Variants in STRN observed in about 807,000 individuals in gnomAD.
STRN encodes striatin, also known as protein phosphatase 2 regulatory subunit B'''alpha.
A neutral mutation model predicts 96.3 loss-of-function variants in STRN; 53 were observed. The ratio of observed to expected loss-of-function variants is 0.55; its 90% confidence interval spans 0.44 to 0.69. The LOEUF (loss-of-function observed/expected upper bound fraction) is 0.69, where lower values mean the gene tolerates loss of function less well. STRN is among the 30% of genes least tolerant of loss of function. STRN has a pLI of 0.00. For missense variants in STRN, 987 were observed against 963.9 expected, an observed-to-expected ratio of 1.02 and a Z score of -0.32; for synonymous variants, 428 against 355.9, an observed-to-expected ratio of 1.20 and a Z score of -2.28.
chr2:36,874,314 C>G (rs980538340), intron 10 of STRN, among the ~76,000 whole-genome samples: 5 of 149,154 alleles, frequency 3.4e-5, no homozygotes, highest in African/African-American at 1.2e-4. Flanking sequence ...ACAGGCTTAA[C>G]TACTGACTAC....
intron 1 of STRN, among the ~76,000 whole-genome samples, chr2:36,952,105 G>A (rs373895828): frequency 6.6e-6 from 1 of 152,144 alleles, no homozygotes; most frequent in Non-Finnish European, 1.5e-5. Flanking sequence ...TACAAAACTC[G>A]AATTAGCATT....
At chr2:36,962,186 G>C (rs1665045122) in intron 1 of STRN, among the ~76,000 whole-genome samples, 1 of 152,060 alleles carries the variant, frequency 6.6e-6, no homozygotes, top group Non-Finnish European at 1.5e-5. Flanking sequence ...AAAATATTTG[G>C]GGAGTGAAAA....
chr2:36,890,013 C>G lies in STRN; in HGVS notation c.932-3187G>C, dbSNP rs554144002. Among the ~76,000 whole-genome samples, 92 of 152,312 alleles carry G rather than the reference C, an allele frequency of 6.0e-4. 1 individual carries two copies. Among genetic ancestry groups the G allele is most frequent in the African/African-American group, 2.1e-3 (87 of 41,572 alleles). On this transcript the variant is annotated intron_variant, in intron 7 of 17. Coordinates refer to ENST00000263918, the MANE Select transcript of STRN (RefSeq NM_003162.4). ...ACACAAGGAACAGTGCAGCTGTCCT[C>G]GGAGAAAAACCAATCTCCGGTACCC...
chr2:36,953,051 A>G (rs954544512), intron 1 of STRN, among the ~76,000 whole-genome samples: 4 of 152,226 alleles, frequency 2.6e-5, no homozygotes, highest in Non-Finnish European at 5.9e-5. Flanking sequence ...AACTAGATAT[A>G]CCAGTATTGG....
chr2:36,965,018 A>G (rs1558673978), intron 1 of STRN, among the ~76,000 whole-genome samples: 1 of 152,178 alleles, frequency 6.6e-6, no homozygotes, highest in Non-Finnish European at 1.5e-5. Flanking sequence ...AACCTTGTCT[A>G]CTACAGCCTT....
intron 5 of STRN, among the ~76,000 whole-genome samples, chr2:36,901,101 C>T (rs1669670349): frequency 6.6e-6 from 1 of 151,832 alleles, no homozygotes; most frequent in South Asian, 2.1e-4. Context: ...TTTGGTATTA[C>T]CCTCCCCTAA....
At chr2:36,927,028 T>C (rs548930525) in intron 1 of STRN, among the ~76,000 whole-genome samples, 112 of 152,284 alleles carry the variant, frequency 7.4e-4, no homozygotes, top group African/African-American at 2.3e-3. Context: ...AGCTAATCAA[T>C]GCAATCAAAC....
At chr2:36,929,172 G>C (rs1558657377) in intron 1 of STRN, among the ~76,000 whole-genome samples, 2 of 151,842 alleles carry the variant, frequency 1.3e-5, no homozygotes, top group African/African-American at 4.8e-5. Flanking sequence ...AAACAAAAAA[G>C]ATAAAAATAA....
At chr2:36,886,863 AT>A in intron 7 of STRN, 37 bp from the exon 8 acceptor site, 1 of 1,547,400 alleles carries the variant, frequency 6.5e-7, no homozygotes, top group African/African-American at 1.4e-5. Flanking sequence ...GCCTTTTTCA[AT>A]AAAATATTGA....
At chr2:36,950,236 G>A (rs1234995133) in intron 1 of STRN, among the ~76,000 whole-genome samples, 4 of 102,926 alleles carry the variant, frequency 3.9e-5, no homozygotes, top group African/African-American at 1.4e-4. Context: ...TTTTTTTTGA[G>A]ACTGAGTCTC....
rs1312786496 is a variant in STRN at position 36,898,450 on chromosome 2, C to T, written c.795+1073G>A. Among the ~76,000 whole-genome samples the T allele has an allele frequency of 2.6e-5, 4 of 152,162 alleles. No individual in the cohort carries two copies. In the East Asian group the frequency reaches 7.7e-4, roughly 29 times the overall value. The stretch of plus-strand genomic sequence containing the variant: ...TACCAGTAGAGTACTATTGAATAGT[C>T]GTGATGGAAAACAATAATCTGGTAG... On this transcript the variant is annotated intron_variant, in intron 6 of 17. Coordinates refer to ENST00000263918, the MANE Select transcript of STRN (RefSeq NM_003162.4).
At chr2:36,862,863 G>T (rs1187407344) in intron 12 of STRN, among the ~76,000 whole-genome samples, 1 of 151,910 alleles carries the variant, frequency 6.6e-6, no homozygotes, top group Non-Finnish European at 1.5e-5. Flanking sequence ...GCCTCTCCGA[G>T]TAGCTGGGAC....
intron 8 of STRN, among the ~76,000 whole-genome samples, chr2:36,885,100 C>T (rs1333293490): frequency 1.3e-5 from 2 of 151,990 alleles, no homozygotes; most frequent in African/African-American, 4.8e-5. Context: ...TTTAATCCCC[C>T]GATTTAAGAA....
chr2:36,881,280 A>T (rs1669062253), intron 9 of STRN, among the ~76,000 whole-genome samples: 1 of 151,978 alleles, frequency 6.6e-6, no homozygotes, highest in Admixed American at 6.6e-5. Flanking sequence ...GGCACACGCC[A>T]CCATGTCCAG....
In STRN at chr2:36,847,961, A is replaced by T. The variant is rs1019995310; in HGVS notation, c.*1495T>A. 1 of 152,216 alleles carries T rather than the reference A, an allele frequency of 6.6e-6. No individual in the cohort carries two copies. The highest frequency in any genetic ancestry group is 1.5e-5 in the Non-Finnish European group (1 of 68,036). The allele number at this position is 152,216 out of a possible 1,614,324, so 9.4% of individuals were successfully genotyped here. On this transcript the variant is annotated 3_prime_UTR_variant, in exon 18 of 18. Coordinates refer to ENST00000263918, the MANE Select transcript of STRN (RefSeq NM_003162.4). ...TTTTGGTGGAAAGTTGGACGTTAAT[A>T]ATTTATTTCCAATTTCTAGATTGGT...
intron 5 of STRN, among the ~76,000 whole-genome samples, chr2:36,902,047 T>G (rs1018720745): frequency 3.3e-5 from 5 of 152,234 alleles, no homozygotes; most frequent in African/African-American, 1.2e-4. Context: ...AGTAGAATCA[T>G]ATGTAATTGT....
chr2:36,930,017 G>A (rs1670529638), intron 1 of STRN, among the ~76,000 whole-genome samples: 1 of 152,170 alleles, frequency 6.6e-6, no homozygotes, highest in Non-Finnish European at 1.5e-5. Flanking sequence ...ATGTCTTAAT[G>A]CCTTCTATAA....
At chr2:36,859,364 A>C (rs1431201211) in intron 13 of STRN, among the ~76,000 whole-genome samples, 1 of 152,180 alleles carries the variant, frequency 6.6e-6, no homozygotes, top group African/African-American at 2.4e-5. Flanking sequence ...TAAACTCAAG[A>C]AATATTTAGG....
At chr2:36,856,684 G>C (rs1024644716) in intron 14 of STRN, among the ~76,000 whole-genome samples, 5 of 152,140 alleles carry the variant, frequency 3.3e-5, no homozygotes, top group Non-Finnish European at 4.4e-5. Context: ...GGGAGATAAA[G>C]GAAATGTTCT....
Sources: allele counts gnomAD v4.1 joint callset (sites outside exome capture counted in the v4.1 genomes callset), GRCh38; gene constraint gnomAD v4.1.1; transcripts MANE v1.5; gene names NCBI Gene and HGNC (gene_info 2026-07-23, HGNC 2026-07-21).